The following CLMN variants were observed in gnomAD, a reference collection of about 807,000 sequenced individuals.
CLMN encodes the protein calmin (calponin-like, transmembrane).
A neutral mutation model predicts 92.7 loss-of-function variants in CLMN; 57 were observed. That is an observed-to-expected ratio of 0.61 (90% CI 0.50 to 0.77). The LOEUF (loss-of-function observed/expected upper bound fraction) is 0.77. Ranked by LOEUF, CLMN falls within the 30% of genes least tolerant of loss-of-function variation. CLMN has a pLI of 0.00. For missense variants in CLMN, 1,158 were observed against 1,237.5 expected (o/e 0.94, Z 0.96); for synonymous variants, 466 against 470.6 (o/e 0.99, Z 0.13).
chr14:95,195,063 C>A (rs557011059), intron 10 of CLMN, among the ~76,000 whole-genome samples: 8 of 152,296 alleles, frequency 5.3e-5, no homozygotes, highest in African/African-American at 1.7e-4. Flanking sequence ...CCAGTCCTAG[C>A]GGAATGGAGG....
chr14:95,236,473 C>T (rs1490662096), intron 1 of CLMN, among the ~76,000 whole-genome samples: 4 of 152,222 alleles, frequency 2.6e-5, no homozygotes, highest in Admixed American at 6.5e-5. Context: ...TCCCGCAATG[C>T]CTGGAGATGT....
rs577599404 is a variant in CLMN at position 95,235,121 on chromosome 14, T to A, written c.83-4988A>T. On this transcript the variant is annotated intron_variant, in intron 1 of 12. Coordinates refer to ENST00000298912, the MANE Select transcript of CLMN (RefSeq NM_024734.4). ...AAAACTCTCTCTCTTTCTCTCTCTC[T>A]CACACACACACACACACAGAGCAAG... Among the ~76,000 whole-genome samples, 249 of 150,804 alleles carry A rather than the reference T, an allele frequency of 1.7e-3. 1 individual carries two copies. Among genetic ancestry groups the A allele is most frequent in the African/African-American group, 5.5e-3 (225 of 41,222 alleles).
chr14:95,235,634 G>T (rs944367913), intron 1 of CLMN, among the ~76,000 whole-genome samples: 6 of 152,260 alleles, frequency 3.9e-5, no homozygotes, highest in East Asian at 3.9e-4. Flanking sequence ...AATGGCCATC[G>T]GCAAATGGCT....
At chr14:95,224,114 G>C (rs1429988623) in intron 2 of CLMN, among the ~76,000 whole-genome samples, 2 of 152,326 alleles carry the variant, frequency 1.3e-5, no homozygotes, top group South Asian at 2.1e-4. Flanking sequence ...GCCCTTGGGG[G>C]CCCTTCAAAC....
At chr14:95,228,598 T>C (rs1169628397) in intron 2 of CLMN, among the ~76,000 whole-genome samples, 1 of 152,266 alleles carries the variant, frequency 6.6e-6, no homozygotes, top group East Asian at 1.9e-4. Flanking sequence ...TTCTCTGCTT[T>C]CTAATCATTT....
chr14:95,208,442 G>A (rs895522257), intron 8 of CLMN, among the ~76,000 whole-genome samples: 1 of 152,070 alleles, frequency 6.6e-6, no homozygotes, highest in East Asian at 1.9e-4. Context: ...AGTATAATCT[G>A]GAATTCTGAA....
At chr14:95,215,544 G>C in intron 5 of CLMN, 97 bp downstream of exon 5, 1 of 979,658 alleles carries the variant, frequency 1.0e-6, no homozygotes, top group East Asian at 2.5e-5. Flanking sequence ...CATAAACTAA[G>C]CCTCACTGCC....
rs181751329 is a variant in CLMN, at chr14:95,189,264, G to C, written c.*2300C>G. 4 of 152,338 alleles carry C rather than the reference G, an allele frequency of 2.6e-5. No individual in the cohort carries two copies. Among genetic ancestry groups the C allele is most frequent in the African/African-American group, 9.6e-5 (4 of 41,582 alleles). 9.4% of individuals were successfully genotyped at this position (152,338 alleles called of 1,614,324 possible). ...AAGTGTAAGCACGTTATGTAGAAATGCAAACATAAGAGAGTTGAAAGTGGT... is the reference window on the plus strand; with the variant it reads ...AAGTGTAAGCACGTTATGTAGAAATCCAAACATAAGAGAGTTGAAAGTGGT... On this transcript the variant is annotated 3_prime_UTR_variant, in exon 13 of 13. Coordinates refer to ENST00000298912, the MANE Select transcript of CLMN (RefSeq NM_024734.4).
At chr14:95,258,303 ATG>A (rs910394364) in intron 1 of CLMN, among the ~76,000 whole-genome samples, 21 of 129,092 alleles carry the variant, frequency 1.6e-4, no homozygotes, top group Non-Finnish European at 2.3e-4. Context: ...TGTGTGGTGT[ATG>A]TGTGTGTGTG....
intron 12 of CLMN, chr14:95,193,190 G>A (rs1896602379): frequency 1.6e-6 from 1 of 625,546 alleles, no homozygotes. Context: ...GACTTCAACA[G>A]GAATGGGGAC....
chr14:95,240,002 G>A (rs1210040235), intron 1 of CLMN, among the ~76,000 whole-genome samples: 2 of 152,152 alleles, frequency 1.3e-5, no homozygotes, highest in Non-Finnish European at 2.9e-5. Context: ...AAACACTGTT[G>A]TGTTACAATT....
intron 1 of CLMN, among the ~76,000 whole-genome samples, chr14:95,238,828 C>T (rs58674922): frequency 0.093 from 14,213 of 152,162 alleles, 874 homozygotes; most frequent in African/African-American, 0.17. Flanking sequence ...TCCCAGAGGC[C>T]ACCAATTAAC....
intron 1 of CLMN, among the ~76,000 whole-genome samples, chr14:95,291,176 G>A (rs1900550689): frequency 6.6e-6 from 1 of 152,236 alleles, no homozygotes; most frequent in African/African-American, 2.4e-5. Context: ...CAGCGTCCCT[G>A]GTTACTGATG....
At chr14:95,288,444 G>A (rs1364843296) in intron 1 of CLMN, among the ~76,000 whole-genome samples, 5 of 152,366 alleles carry the variant, frequency 3.3e-5, no homozygotes, top group East Asian at 1.9e-4. Flanking sequence ...TGCAAAGGCC[G>A]AGAGGTAAGA....
intron 8 of CLMN, among the ~76,000 whole-genome samples, chr14:95,204,910 G>A (rs1340941778): frequency 6.6e-6 from 1 of 152,110 alleles, no homozygotes; most frequent in Non-Finnish European, 1.5e-5. Context: ...TTGATTGTGT[G>A]GGCTGGTATG....
chr14:95,275,355 CTAAAA>C (rs1193295108), intron 1 of CLMN, among the ~76,000 whole-genome samples: 1 of 152,162 alleles, frequency 6.6e-6, no homozygotes, highest in African/African-American at 2.4e-5. Context: ...CCTCCCCAAA[CTAAAA>C]TGACAATGAA....
rs748801494 is a variant in CLMN at position 95,204,266 on chromosome 14, T to A, written c.1083A>T (p.Glu361Asp). Residue 361 changes from glutamate to aspartate, a missense_variant, in exon 9 of 13, where the codon GAA (glutamate) becomes GAT (aspartate). Transcript: ENST00000298912. ...FVCDKPESMK[E>D]FRLDGVSSHA... ...GGCTGGAAACACCATCCAGGCGGAA[T>A]TCCTTCATGCTCTCGGGCTTGTCAC... The A allele has an allele frequency of 1.2e-6, 2 of 1,614,066 alleles. No individual in the cohort carries two copies. Among genetic ancestry groups the A allele is most frequent in the Admixed American group, 3.3e-5 (2 of 60,008 alleles).
At chr14:95,253,203 G>C (rs1898857631) in intron 1 of CLMN, among the ~76,000 whole-genome samples, 1 of 152,206 alleles carries the variant, frequency 6.6e-6, no homozygotes, top group African/African-American at 2.4e-5. Flanking sequence ...AACTGAGGAA[G>C]GAAGCTTCTG....
rs1305432803 is a variant in CLMN, at chr14:95,182,553, TC to T, written c.*9010del. On this transcript the variant is annotated 3_prime_UTR_variant, in exon 13 of 13. Coordinates refer to ENST00000298912, the MANE Select transcript of CLMN (RefSeq NM_024734.4). Reference sequence around the variant, plus strand: ...CAATTTCAAGGGCAGAGGGCAGGTGTCCCCTGCACCACATTCCCTCCCCACA... The same window carrying T: ...CAATTTCAAGGGCAGAGGGCAGGTGTCCCTGCACCACATTCCCTCCCCACA... The T allele has an allele frequency of 1.3e-5, 2 of 151,894 alleles. No individual in the cohort carries two copies. Among genetic ancestry groups the T allele is most frequent in the East Asian group, 3.9e-4 (2 of 5,180 alleles). The allele number at this position is 151,894 out of a possible 1,614,324, so 9.4% of individuals were successfully genotyped here. A position where few individuals can be genotyped will look rare whatever the true frequency, so the allele number is the denominator to read the frequency against.
Sources: gnomAD v4.1 joint callset for allele counts (sites outside exome capture counted in the v4.1 genomes callset) on GRCh38, gnomAD v4.1.1 for gene constraint, MANE v1.5 for transcripts, NCBI Gene and HGNC (gene_info 2026-07-23, HGNC 2026-07-21) for gene names.